The following DNAJC1 variants were observed in gnomAD, a reference collection of about 807,000 sequenced individuals.
DNAJC1 encodes the protein DnaJ heat shock protein family (Hsp40) member C1, also known as dnaJ homolog subfamily C member 1.
Under a neutral mutation model 76.6 loss-of-function variants are expected in DNAJC1, and 58 were observed. That is an observed-to-expected ratio of 0.76 (90% CI 0.61 to 0.94). The LOEUF is 0.94. Ranked by LOEUF, DNAJC1 falls within the 40% of genes least tolerant of loss-of-function variation. The pLI, the probability that DNAJC1 is intolerant of heterozygous loss-of-function variation, is 0.00. For missense variants in DNAJC1, 689 were observed against 677.3 expected, an observed-to-expected ratio of 1.02 and a Z score of -0.19; for synonymous variants, 258 against 267.9, an observed-to-expected ratio of 0.96 and a Z score of 0.36.
chr10:21,759,601 C>T lies in DNAJC1; in HGVS notation c.1165G>A (p.Glu389Lys), dbSNP rs752175273. 23 of 1,613,660 alleles carry T rather than the reference C, an allele frequency of 1.4e-5. No homozygotes were observed. The highest frequency in any genetic ancestry group is 5.0e-5 in the Admixed American group (3 of 60,008). ...GAATTCTGAACTGTCGATTTGAGTT[C>T]GGAGAGTCTAACCATTCCTAGGAAA... Reference protein sequence around the residue: ...TCSPGMVRLSELKSTVQNSRP... With the variant: ...TCSPGMVRLSKLKSTVQNSRP... The change falls in exon 11 of 12, where the codon GAA becomes AAA. Residue 389 changes from glutamate (E) to lysine (K), a missense_variant. Transcript: ENST00000376980.
chr10:21,899,207 T>C (rs1186765952), intron 7 of DNAJC1, among the ~76,000 whole-genome samples: 1 of 152,204 alleles, frequency 6.6e-6, no homozygotes, highest in East Asian at 1.9e-4. Flanking sequence ...TGTGGAGTCT[T>C]GGCAGAGCAG....
chr10:21,963,924 T>C (rs879274149), intron 1 of DNAJC1, among the ~76,000 whole-genome samples: 1 of 152,230 alleles, frequency 6.6e-6, no homozygotes, highest in Non-Finnish European at 1.5e-5. Context: ...GAGTGTTTTC[T>C]GTTTATTTGT....
chr10:21,887,345 A>G (rs1836382621), intron 7 of DNAJC1, among the ~76,000 whole-genome samples: 1 of 152,216 alleles, frequency 6.6e-6, no homozygotes, highest in African/African-American at 2.4e-5. Flanking sequence ...TGCTATTCCT[A>G]TCAAATTAAC....
intron 7 of DNAJC1, among the ~76,000 whole-genome samples, chr10:21,901,632 G>A (rs1057345232): frequency 5.3e-5 from 8 of 152,088 alleles, no homozygotes; most frequent in Non-Finnish European, 1.0e-4. Flanking sequence ...TATCTAAAAT[G>A]CCATTTTAAT....
chr10:21,911,040 A>AAAGGAAGGAAGG (rs56239918), intron 6 of DNAJC1, among the ~76,000 whole-genome samples: 245 of 130,110 alleles, frequency 1.9e-3, no homozygotes, highest in African/African-American at 5.7e-3. Context: ...AAAGAGAGAG[A>AAAGGAAGGAAGG]AAGGAAGGAA....
intron 1 of DNAJC1, among the ~76,000 whole-genome samples, chr10:21,942,567 G>A (rs1272885828): frequency 6.6e-6 from 1 of 152,006 alleles, no homozygotes; most frequent in African/African-American, 2.4e-5. Flanking sequence ...AGCACTTTGG[G>A]AGGCCAAGGC....
chr10:21,764,025 A>C (rs1366379026), intron 10 of DNAJC1, among the ~76,000 whole-genome samples: 1 of 152,230 alleles, frequency 6.6e-6, no homozygotes, highest in Non-Finnish European at 1.5e-5. Flanking sequence ...AACAAAGATC[A>C]ACAGAAATTC....
At chr10:21,886,275 A>AATC (rs1295317834) in intron 7 of DNAJC1, among the ~76,000 whole-genome samples, 1 of 152,110 alleles carries the variant, frequency 6.6e-6, no homozygotes, top group Non-Finnish European at 1.5e-5. Context: ...CCTAAGACTG[A>AATC]ACCAGAAAGA....
At chr10:21,982,046 T>C (rs1838167227) in intron 1 of DNAJC1, among the ~76,000 whole-genome samples, 2 of 152,206 alleles carry the variant, frequency 1.3e-5, no homozygotes. Context: ...TTAACTCTGA[T>C]GTTTCCTCTA....
intron 1 of DNAJC1, among the ~76,000 whole-genome samples, chr10:21,964,363 C>T (rs529157330): frequency 3.4e-4 from 51 of 152,154 alleles, no homozygotes; most frequent in African/African-American, 1.0e-3. Context: ...TACAGGCACA[C>T]GCCACCATGC....
At chr10:21,786,973 G>T (rs1400254276) in intron 9 of DNAJC1, among the ~76,000 whole-genome samples, 1 of 152,090 alleles carries the variant, frequency 6.6e-6, no homozygotes, top group Non-Finnish European at 1.5e-5. Flanking sequence ...TTTATTTCAA[G>T]ATTTAGTTTA....
At chr10:21,972,471 T>C (rs1024939811) in intron 1 of DNAJC1, among the ~76,000 whole-genome samples, 2 of 152,032 alleles carry the variant, frequency 1.3e-5, no homozygotes, top group African/African-American at 4.8e-5. Context: ...AACTTTCTTC[T>C]CAAAATTAGC....
intron 9 of DNAJC1, among the ~76,000 whole-genome samples, chr10:21,779,329 T>C (rs1480883788): frequency 2.0e-5 from 3 of 152,170 alleles, no homozygotes; most frequent in East Asian, 3.9e-4. Context: ...GAGTAGCCTG[T>C]CTGGGAGGCA....
chr10:21,919,308 A>G (rs923719194), intron 5 of DNAJC1, among the ~76,000 whole-genome samples: 6 of 151,974 alleles, frequency 3.9e-5, no homozygotes, highest in Non-Finnish European at 7.4e-5. Flanking sequence ...CATAAAAATT[A>G]ATGTCATTTG....
At chr10:21,853,525 T>TA (rs1835786768) in intron 8 of DNAJC1, among the ~76,000 whole-genome samples, 1 of 151,840 alleles carries the variant, frequency 6.6e-6, no homozygotes, top group Non-Finnish European at 1.5e-5. Flanking sequence ...TTTATTTCGG[T>TA]AAAAAAAGTT....
intron 1 of DNAJC1, among the ~76,000 whole-genome samples, chr10:22,002,920 G>A (rs1008354345): frequency 4.6e-5 from 7 of 152,152 alleles, no homozygotes; most frequent in Non-Finnish European, 7.4e-5. Flanking sequence ...GCTGGAGGGG[G>A]AAGGCTCTTC....
intron 9 of DNAJC1, among the ~76,000 whole-genome samples, chr10:21,805,215 A>G (rs1350555495): frequency 6.6e-6 from 1 of 152,126 alleles, no homozygotes; most frequent in Non-Finnish European, 1.5e-5. Context: ...TAAATTTAGT[A>G]AAGCATATTT....
intron 1 of DNAJC1, among the ~76,000 whole-genome samples, chr10:21,931,594 C>A (rs1837225537): frequency 6.6e-6 from 1 of 152,330 alleles, no homozygotes; most frequent in East Asian, 1.9e-4. Context: ...CCCAATGAGA[C>A]AGTTTTGGGA....
intron 8 of DNAJC1, among the ~76,000 whole-genome samples, chr10:21,852,054 A>C (rs1165368784): frequency 6.7e-6 from 1 of 149,410 alleles, no homozygotes; most frequent in Non-Finnish European, 1.5e-5. Flanking sequence ...CTCTGTCTCA[A>C]AAAAAATAAA....
Sources: gnomAD v4.1 joint callset for allele counts (sites outside exome capture counted in the v4.1 genomes callset) on GRCh38, gnomAD v4.1.1 for gene constraint, MANE v1.5 for transcripts, NCBI Gene and HGNC (gene_info 2026-07-23, HGNC 2026-07-21) for gene names.